STAU2: variants seen among roughly 807,000 people sequenced by gnomAD.
STAU2 encodes the protein double-stranded RNA-binding protein Staufen homolog 2.
A neutral mutation model predicts 65.9 loss-of-function variants in STAU2; 20 were observed. That is an observed-to-expected ratio of 0.30 (90% CI 0.21 to 0.44). The LOEUF is 0.44. Among genes scored for constraint, STAU2 ranks in the 20% least tolerant of loss-of-function variants. The pLI is 1.00. For missense variants in STAU2, 558 were observed against 683.9 expected (o/e 0.82, Z 2.05); for synonymous variants, 232 against 233.9 (o/e 0.99, Z 0.07).
At chr8:73,574,580 A>G (rs1331925651) in intron 12 of STAU2, among the ~76,000 whole-genome samples, 3 of 152,250 alleles carry the variant, frequency 2.0e-5, no homozygotes, top group Admixed American at 6.5e-5. Context: ...GCAGTCATAA[A>G]AAAAGGATGA....
intron 6 of STAU2, among the ~76,000 whole-genome samples, chr8:73,658,537 T>C (rs1262617917): frequency 6.6e-6 from 1 of 152,212 alleles, no homozygotes; most frequent in African/African-American, 2.4e-5. Context: ...CAATATTACA[T>C]TTCCAAGAAA....
intron 13 of STAU2, among the ~76,000 whole-genome samples, chr8:73,521,045 C>T (rs1034949703): frequency 6.6e-6 from 1 of 152,084 alleles, no homozygotes; most frequent in Non-Finnish European, 1.5e-5. Flanking sequence ...AAGCTCTGTA[C>T]ATAGTCTACA....
chr8:73,647,923 CAT>C (rs570987851), intron 6 of STAU2, among the ~76,000 whole-genome samples: 153 of 152,232 alleles, frequency 1.0e-3, no homozygotes, highest in African/African-American at 3.6e-3. Context: ...CATGAATCTA[CAT>C]GTGACAAAAT....
At chr8:73,477,472 T>A (rs1820380140) in intron 13 of STAU2, among the ~76,000 whole-genome samples, 1 of 152,214 alleles carries the variant, frequency 6.6e-6, no homozygotes, top group Admixed American at 6.5e-5. Context: ...ATTCATTTTT[T>A]ATTGTGAGTC....
intron 13 of STAU2, among the ~76,000 whole-genome samples, chr8:73,547,821 A>T (rs975441215): frequency 2.0e-5 from 3 of 152,176 alleles, no homozygotes; most frequent in African/African-American, 7.2e-5. Context: ...TGTTTCAATG[A>T]CAAATTAAAA....
intron 13 of STAU2, among the ~76,000 whole-genome samples, chr8:73,535,527 T>C (rs1175369694): frequency 6.6e-6 from 1 of 152,156 alleles, no homozygotes; most frequent in Non-Finnish European, 1.5e-5. Flanking sequence ...AGACAGCTAG[T>C]TAGGACATAA....
chr8:73,449,254 G>A (rs1818662772), intron 13 of STAU2, among the ~76,000 whole-genome samples: 1 of 152,228 alleles, frequency 6.6e-6, no homozygotes, highest in African/African-American at 2.4e-5. Context: ...CCTGGGCTCT[G>A]GAGGCCGGAA....
intron 13 of STAU2, among the ~76,000 whole-genome samples, chr8:73,541,337 T>G (rs748194084): frequency 3.3e-5 from 5 of 152,024 alleles, no homozygotes; most frequent in Non-Finnish European, 7.4e-5. Flanking sequence ...GAGGAGACCA[T>G]AAGAGAAAAT....
At chr8:73,739,626 C>T in intron 2 of STAU2, 130 bp downstream of exon 2, 1 of 751,024 alleles carries the variant, frequency 1.3e-6, no homozygotes, top group Non-Finnish European at 1.9e-6. Context: ...ATAGTGTCCT[C>T]AGCATCTGCA....
At chr8:73,525,060 C>T (rs1356224037) in intron 13 of STAU2, among the ~76,000 whole-genome samples, 1 of 152,090 alleles carries the variant, frequency 6.6e-6, no homozygotes, top group East Asian at 1.9e-4. Context: ...TGATCACACC[C>T]CCTACTTTCT....
chr8:73,662,074 C>T (rs1390070652), intron 6 of STAU2, among the ~76,000 whole-genome samples: 6 of 152,078 alleles, frequency 3.9e-5, no homozygotes, highest in Non-Finnish European at 7.4e-5. Flanking sequence ...TTCCAGTTGC[C>T]CCACCATGAC....
chr8:73,620,001 T>C (rs2129913147), intron 6 of STAU2, among the ~76,000 whole-genome samples: 1 of 152,372 alleles, frequency 6.6e-6, no homozygotes, highest in Admixed American at 6.5e-5. Context: ...TAAAAAACTA[T>C]AATCTTTTTT....
intron 6 of STAU2, among the ~76,000 whole-genome samples, chr8:73,654,866 T>C (rs1307678058): frequency 1.3e-5 from 2 of 151,624 alleles, no homozygotes; most frequent in Non-Finnish European, 2.9e-5. Flanking sequence ...TTTGTATTTT[T>C]AGTAGAGACG....
intron 12 of STAU2, among the ~76,000 whole-genome samples, chr8:73,567,016 T>C (rs895525557): frequency 2.0e-5 from 3 of 152,226 alleles, no homozygotes; most frequent in Non-Finnish European, 2.9e-5. Context: ...CATTATTATA[T>C]TGAATCCAAC....
At chr8:73,645,517 T>C (rs1166243549) in intron 6 of STAU2, among the ~76,000 whole-genome samples, 2 of 152,188 alleles carry the variant, frequency 1.3e-5, no homozygotes, top group Non-Finnish European at 2.9e-5. Context: ...GTTTTGTACA[T>C]GAAGAATGAG....
chr8:73,514,921 T>C (rs534962923), intron 13 of STAU2, among the ~76,000 whole-genome samples: 10 of 152,196 alleles, frequency 6.6e-5, no homozygotes, highest in Admixed American at 1.3e-4. Flanking sequence ...ATTTACAAAA[T>C]AGAAGATACT....
chr8:73,660,905 A>G (rs1304210257), intron 6 of STAU2, among the ~76,000 whole-genome samples: 4 of 152,190 alleles, frequency 2.6e-5, no homozygotes, highest in Admixed American at 2.0e-4. Context: ...GCCTGATTTA[A>G]TTTTTTTAAT....
intron 3 of STAU2, among the ~76,000 whole-genome samples, chr8:73,715,082 CAAAAA>C (rs1157510263): frequency 1.2e-5 from 1 of 83,864 alleles, no homozygotes; most frequent in South Asian, 3.6e-4. Context: ...GACTCCGTCT[CAAAAA>C]AAAAAAAAAA....
At chr8:73,596,124 A>AG (rs1811168438) in intron 10 of STAU2, among the ~76,000 whole-genome samples, 1 of 152,088 alleles carries the variant, frequency 6.6e-6, no homozygotes, top group Admixed American at 6.5e-5. Flanking sequence ...AAAAAAAAAA[A>AG]AAAAGGCTTC....
Sources: gnomAD v4.1 joint callset for allele counts (sites outside exome capture counted in the v4.1 genomes callset) on GRCh38, gnomAD v4.1.1 for gene constraint, MANE v1.5 for transcripts, NCBI Gene and HGNC (gene_info 2026-07-23, HGNC 2026-07-21) for gene names.